RUFY4: variants seen among roughly 807,000 people sequenced by gnomAD.
RUFY4 encodes RUN and FYVE domain-containing protein 4.
RUFY4 carries 73 observed loss-of-function variants against 69.0 expected under a neutral mutation model. That is an observed-to-expected ratio of 1.06 (90% CI 0.88 to 1.29). RUFY4 has a LOEUF of 1.29. RUFY4 is among the 50% of genes most tolerant of loss of function. The pLI is 0.00. For synonymous variants in RUFY4, 287 were observed against 271.8 expected (o/e 1.06, Z -0.55); for missense variants, 770 against 705.6 (o/e 1.09, Z -1.03).
At chr2:218,078,984 C>T (rs1319451044) in intron 8 of RUFY4, among the ~76,000 whole-genome samples, 1 of 152,240 alleles carries the variant, frequency 6.6e-6, no homozygotes, top group East Asian at 1.9e-4. Flanking sequence ...TCTCCTGCCT[C>T]AGCCTCCCGA....
At chr2:218,075,482 G>A (rs1437919741) in exon 7 of RUFY4, 2 of 1,595,664 alleles carry the variant, frequency 1.3e-6, no homozygotes, top group African/African-American at 2.7e-5. Context: ...GAACAACAGA[G>A]GGGACTCACA....
At chr2:218,076,983 G>A (rs1236455585) in intron 8 of RUFY4, among the ~76,000 whole-genome samples, 2 of 152,146 alleles carry the variant, frequency 1.3e-5, no homozygotes, top group Non-Finnish European at 2.9e-5. Context: ...CATAATCACA[G>A]CTATCATTTA....
chr2:218,073,061 G>A (rs1040716554), intron 4 of RUFY4, among the ~76,000 whole-genome samples, 176 bp downstream of exon 6: 43 of 152,236 alleles, frequency 2.8e-4, no homozygotes, highest in African/African-American at 1.0e-3. Context: ...CAGGAGTCCT[G>A]GGAGCATCAG....
intron 8 of RUFY4, among the ~76,000 whole-genome samples, chr2:218,080,642 G>T (rs1409969638): frequency 1.3e-5 from 2 of 152,210 alleles, no homozygotes; most frequent in East Asian, 3.9e-4. Context: ...ATTAGGACAA[G>T]CATCAGCCAA....
At chr2:218,073,324 G>A (rs1248413478) in exon 5 of RUFY4, 1 of 1,575,260 alleles carries the variant, frequency 6.3e-7, no homozygotes. Context: ...CTCTCAATGG[G>A]GTGGCCTTCG....
chr2:218,083,272 G>C lies in RUFY4; in HGVS notation c.1502+16G>C, dbSNP rs1248904522. 8.9e-6 allele frequency: 14 copies of C among 1,568,116 alleles called. No individual in the cohort carries two copies. Among genetic ancestry groups the C allele is most frequent in the Non-Finnish European group, 1.0e-5 (12 of 1,153,526 alleles). On this transcript the variant is annotated intron_variant, in intron 9 of 10. Coordinates refer to ENST00000344321, the Ensembl canonical transcript of RUFY4. ...AACTGATCCAGTAAGGACGGGGACA[G>C]TGGGAAAGGGGAAACAGATGGGGGA...
chr2:218,084,269 TC>T (rs1201159265), intron 9 of RUFY4, among the ~76,000 whole-genome samples: 2 of 151,760 alleles, frequency 1.3e-5, no homozygotes, highest in Non-Finnish European at 2.9e-5. Context: ...TCTCGCTCTG[TC>T]CCCCAGGCTG....
intron 2 of RUFY4, among the ~76,000 whole-genome samples, chr2:218,048,646 A>G (rs60341614): frequency 0.23 from 35,236 of 152,008 alleles, 5,139 homozygotes; most frequent in East Asian, 0.4. Flanking sequence ...TTTTGGTCTA[A>G]TAAACTCAGT....
At chr2:218,082,216 A>C (rs559328032) in intron 8 of RUFY4, among the ~76,000 whole-genome samples, 3 of 152,390 alleles carry the variant, frequency 2.0e-5, no homozygotes, top group Non-Finnish European at 4.4e-5. Context: ...AAATTTAGGA[A>C]AGCCATATTT....
intron 2 of RUFY4, among the ~76,000 whole-genome samples, chr2:218,042,793 A>G (rs1429313379): frequency 2.0e-5 from 3 of 152,196 alleles, no homozygotes; most frequent in Non-Finnish European, 4.4e-5. Context: ...AATCCAGTTT[A>G]TAGGGAGATA....
intron 8 of RUFY4, among the ~76,000 whole-genome samples, chr2:218,082,832 A>G (rs1291159773): frequency 7.1e-6 from 1 of 141,622 alleles, no homozygotes; most frequent in Non-Finnish European, 1.5e-5. Context: ...GTGTGTACGT[A>G]TTGCATTATA....
chr2:218,084,921 A>C (rs1467210871), intron 9 of RUFY4, among the ~76,000 whole-genome samples: 2 of 152,028 alleles, frequency 1.3e-5, no homozygotes, highest in Non-Finnish European at 2.9e-5. Flanking sequence ...GTTAGCGGGC[A>C]CCTGTAATCT....
upstream of RUFY4, among the ~76,000 whole-genome samples, chr2:218,066,009 G>C (rs1218941428): frequency 2.0e-5 from 3 of 152,044 alleles, no homozygotes; most frequent in Non-Finnish European, 2.9e-5. Flanking sequence ...TGGGGGACAA[G>C]GGGGGTGGGG....
intron 2 of RUFY4, among the ~76,000 whole-genome samples, chr2:218,049,231 A>T (rs1471971155): frequency 6.6e-6 from 1 of 152,158 alleles, no homozygotes; most frequent in Non-Finnish European, 1.5e-5. Flanking sequence ...ATGTTCCTCA[A>T]ATGACCTTCT....
exon 9 of RUFY4, chr2:218,083,127 C>G: frequency 6.2e-7 from 1 of 1,613,210 alleles, no homozygotes; most frequent in Non-Finnish European, 8.5e-7. Flanking sequence ...GAAGAGAGAG[C>G]CGAGCTGCAG....
Position 218,075,605 on chromosome 2 carries a change from G to T in RUFY4, c.1113G>T (p.Leu371=), listed in dbSNP as rs755960868. 33 of 1,523,918 alleles carry T rather than the reference G, an allele frequency of 2.2e-5. No homozygotes were observed. In the Middle Eastern group the frequency reaches 5.4e-4, roughly 25 times the overall value. The allele number at this position is 1,523,918 out of a possible 1,614,324, so 94.4% of individuals were successfully genotyped here. A position where few individuals can be genotyped will look rare whatever the true frequency, so the allele number is the denominator to read the frequency against. Residue 371 remains leucine (L), a synonymous_variant, in exon 7 of 11, where the codon CTG becomes CTT. Coordinates refer to ENST00000344321, the Ensembl canonical transcript of RUFY4. The stretch of plus-strand genomic sequence containing the variant: ...AGGGGTCGGGGGGCTCTAGCATCCT[G>T]GGGGAGCCCTGGGTCCTTCAGGGAC...
intron 3 of RUFY4, among the ~76,000 whole-genome samples, chr2:218,058,900 G>A (rs1689122422): frequency 6.6e-6 from 1 of 152,186 alleles, no homozygotes; most frequent in Admixed American, 6.5e-5. Flanking sequence ...CCAAGGATAT[G>A]AGATGCCCTA....
At chr2:218,089,141 C>G (rs761863617) in intron 9 of RUFY4, 111 bp from the exon 12 acceptor site, 9 of 783,990 alleles carry the variant, frequency 1.1e-5, no homozygotes, top group Non-Finnish European at 1.7e-5. Flanking sequence ...CTCTCTTCCT[C>G]TCTGTGTGAT....
chr2:218,089,026 G>A (rs1208942687), intron 9 of RUFY4, among the ~76,000 whole-genome samples: 1 of 149,976 alleles, frequency 6.7e-6, no homozygotes, highest in Non-Finnish European at 1.5e-5. Context: ...CCTCCCCATT[G>A]CTGTGTCTCT....
Sources: gnomAD v4.1 joint callset for allele counts (sites outside exome capture counted in the v4.1 genomes callset) on GRCh38, gnomAD v4.1.1 for gene constraint, MANE v1.5 for transcripts, NCBI Gene and HGNC (gene_info 2026-07-23, HGNC 2026-07-21) for gene names.